Variants in NF1 observed in about 807,000 individuals in gnomAD.
NF1 encodes the protein neurofibromin 1.
In NF1, 122 loss-of-function variants were observed where a neutral mutation model predicts 325.7. That is an observed-to-expected ratio of 0.37 (90% CI 0.32 to 0.44). The LOEUF is 0.44. Among genes scored for constraint, NF1 ranks in the 20% least tolerant of loss-of-function variants. The pLI, the probability that NF1 is intolerant of heterozygous loss-of-function variation, is 1.00. For synonymous variants in NF1, 1,091 were observed against 1,186.0 expected, an observed-to-expected ratio of 0.92 and a Z score of 1.65; for missense variants, 2,140 against 3,415.4, an observed-to-expected ratio of 0.63 and a Z score of 9.31.
At chr17:31,230,527 T>C in intron 23 of NF1, 145 bp downstream of exon 23, 1 of 1,025,450 alleles carries the variant, frequency 9.8e-7, no homozygotes, top group South Asian at 1.5e-5. Context: ...CTACATCTCT[T>C]CTCAAATTTC....
chr17:31,095,675 G>T (rs1294785545), intron 1 of NF1, among the ~76,000 whole-genome samples: 1 of 152,176 alleles, frequency 6.6e-6, no homozygotes, highest in East Asian at 1.9e-4. Context: ...ATGGGGATGA[G>T]TGACCTGGGG....
chr17:31,158,974 A>G, intron 2 of NF1, 36 bp from the exon 3 acceptor site: 1 of 1,320,962 alleles, frequency 7.6e-7, no homozygotes, highest in South Asian at 1.2e-5. Context: ...CAGAAAGTGA[A>G]ACTAACTTTT....
intron 6 of NF1, 78 bp from the exon 7 acceptor site, chr17:31,181,628 TGAAG>T: frequency 7.9e-7 from 1 of 1,266,574 alleles, no homozygotes; most frequent in African/African-American, 1.5e-5. Context: ...AATATTATTA[TGAAG>T]GAAGTTAGAA....
chr17:31,317,797 G>A (rs1361736659), intron 36 of NF1: 1 of 152,578 alleles, frequency 6.6e-6, no homozygotes, highest in Non-Finnish European at 1.5e-5. Flanking sequence ...AGCTGTGTTG[G>A]TTGATAAGCT....
intron 5 of NF1, among the ~76,000 whole-genome samples, chr17:31,171,578 G>A (rs1315990755): frequency 6.6e-6 from 1 of 152,188 alleles, no homozygotes; most frequent in Admixed American, 6.5e-5. Flanking sequence ...CTAATTGAAT[G>A]TGTGGATAAA....
In NF1 at chr17:31,310,940, CT is replaced by C. The variant is rs77429998; in HGVS notation, c.4836-14863del. ...GGAGTCCCCGTGTATAAGACATGTT[CT>C]TTTTTTTTTTTTTTTTCCGTTTGGA... On this transcript the variant is annotated intron_variant, in intron 36 of 57. Coordinates refer to ENST00000358273, the MANE Select transcript of NF1 (RefSeq NM_001042492.3). 6.5e-3 allele frequency among the ~76,000 whole-genome samples: 852 copies of C among 130,802 alleles called. 9 individuals are homozygous for C. In the East Asian group the frequency reaches 0.071, roughly 11 times the overall value. The allele number at this position is 130,802 out of a possible 152,430, so 85.8% of individuals were successfully genotyped here.
At chr17:31,247,909 C>T (rs760619884) in intron 29 of NF1, among the ~76,000 whole-genome samples, 1 of 152,086 alleles carries the variant, frequency 6.6e-6, no homozygotes, top group Admixed American at 6.6e-5. Flanking sequence ...AAAGTAAAGA[C>T]CTACATCATT....
chr17:31,201,408 T>C lies in NF1; in HGVS notation c.1186-3T>C, dbSNP rs2066527385. 1 of 1,607,950 alleles carries C rather than the reference T, an allele frequency of 6.2e-7. No homozygotes were observed. The highest frequency in any genetic ancestry group is 1.1e-5 in the South Asian group (1 of 90,070). On this transcript the variant is annotated splice_polypyrimidine_tract_variant and splice_region_variant and intron_variant, in intron 10 of 57. Coordinates refer to ENST00000358273, the MANE Select transcript of NF1 (RefSeq NM_001042492.3). ...ATCTGCTTTTTTTTTTCTTTTTCTA[T>C]AGATCTGCCTGGCTCAGAATTCACC...
chr17:31,252,752 A>G (rs2067517715), intron 30 of NF1, 186 bp from the exon 31 acceptor site: 8 of 596,726 alleles, frequency 1.3e-5, no homozygotes, highest in Non-Finnish European at 2.1e-5. Flanking sequence ...TGCTTGGCTT[A>G]AAAATGTAAT....
intron 36 of NF1, among the ~76,000 whole-genome samples, chr17:31,300,116 A>G (rs181574887): frequency 3.7e-4 from 56 of 152,152 alleles, no homozygotes; most frequent in South Asian, 1.5e-3. Context: ...TTCTAATGCA[A>G]TGTGAAATAA....
At chr17:31,357,765 ACT>A (rs2070309154) in intron 54 of NF1, 2 of 262,564 alleles carry the variant, frequency 7.6e-6, no homozygotes, top group East Asian at 1.0e-4. Context: ...TGAATTGTTT[ACT>A]CTCTCTTAAG....
chr17:31,296,282 A>G, intron 36 of NF1: 1 of 1,614,088 alleles, frequency 6.2e-7, no homozygotes, highest in Non-Finnish European at 8.5e-7. Context: ...AGGTGTGAGA[A>G]ACAGAAGGAT....
rs1252468107 is a variant in NF1 at position 31,279,162 on chromosome 17, G to A, written c.4835+13823G>A. On this transcript the variant is annotated intron_variant, in intron 36 of 57. Coordinates refer to ENST00000358273, the MANE Select transcript of NF1 (RefSeq NM_001042492.3). ...CTTGGGAAGCTGAGGCAAGTAGATC[G>A]CCTGACCCCAGGAGTTCAAGGTTGC... 3.3e-5 allele frequency among the ~76,000 whole-genome samples: 5 copies of A among 152,084 alleles called. No homozygotes were observed. The East Asian group carries it at 9.6e-4, about 29-fold the overall frequency.
At chr17:31,335,577 GC>G in intron 40 of NF1, among the ~76,000 whole-genome samples, 1 of 151,786 alleles carries the variant, frequency 6.6e-6, no homozygotes, top group East Asian at 1.9e-4. Context: ...AGGAAATAAT[GC>G]CCTCACTCAA....
intron 27 of NF1, among the ~76,000 whole-genome samples, chr17:31,234,132 C>G (rs1387949852): frequency 6.6e-6 from 1 of 152,194 alleles, no homozygotes; most frequent in Non-Finnish European, 1.5e-5. Context: ...GATCTACCCT[C>G]TAACAGATTT....
chr17:31,236,007 A>AG lies in NF1; in HGVS notation c.3961dup (p.Val1321GlyfsTer13). On this transcript the variant is annotated frameshift_variant, in exon 29 of 58. Coordinates refer to ENST00000358273, the MANE Select transcript of NF1 (RefSeq NM_001042492.3). LOFTEE classifies it high-confidence loss of function. ...CTGATTGGCAACATGTTAGCTTTGA[A>AG]GTGGATCCTACCAGGTTTGTCATCT... 6.2e-7 allele frequency: 1 copy of AG among 1,613,314 alleles called. No individual in the cohort carries two copies. Among genetic ancestry groups the AG allele is most frequent in the Non-Finnish European group, 8.5e-7 (1 of 1,179,634 alleles).
intron 8 of NF1, among the ~76,000 whole-genome samples, chr17:31,195,086 A>G (rs779432216): frequency 6.6e-6 from 1 of 152,142 alleles, no homozygotes; most frequent in African/African-American, 2.4e-5. Context: ...AAAATCATCA[A>G]GGTTAGGATT....
chr17:31,279,234 G>A (rs1265533172), intron 36 of NF1, among the ~76,000 whole-genome samples: 1 of 152,158 alleles, frequency 6.6e-6, no homozygotes, highest in Non-Finnish European at 1.5e-5. Flanking sequence ...TAAGGGGACA[G>A]AGCGAGACCC....
chr17:31,291,145 C>A (rs2068336441), intron 36 of NF1, among the ~76,000 whole-genome samples: 1 of 151,984 alleles, frequency 6.6e-6, no homozygotes. Context: ...TTCAGAATTG[C>A]CTTAATCTGT....
Sources: gnomAD v4.1 joint callset for allele counts (sites outside exome capture counted in the v4.1 genomes callset) on GRCh38, gnomAD v4.1.1 for gene constraint, MANE v1.5 for transcripts, NCBI Gene and HGNC (gene_info 2026-07-23, HGNC 2026-07-21) for gene names.